TEC: variants seen among roughly 807,000 people sequenced by gnomAD.
TEC encodes the protein tyrosine-protein kinase Tec.
Under a neutral mutation model 93.0 loss-of-function variants are expected in TEC, and 72 were observed. The ratio of observed to expected loss-of-function variants is 0.77; its 90% confidence interval spans 0.64 to 0.94. The LOEUF is 0.94. TEC is among the 40% of genes least tolerant of loss of function. The probability of loss-of-function intolerance (pLI) is 0.00; values close to 1 mark genes in which losing one functional copy is unlikely to be tolerated. For synonymous variants in TEC, 249 were observed against 247.7 expected, an observed-to-expected ratio of 1.01 and a Z score of -0.05; for missense variants, 630 against 757.9, an observed-to-expected ratio of 0.83 and a Z score of 1.98.
intron 2 of TEC, among the ~76,000 whole-genome samples, chr4:48,178,568 C>A (rs1474086948): frequency 6.6e-6 from 1 of 152,104 alleles, no homozygotes; most frequent in Non-Finnish European, 1.5e-5. Context: ...TGAAAGGGTA[C>A]ATTTTGGGTA....
At chr4:48,175,495 T>C in intron 3 of TEC, among the ~76,000 whole-genome samples, 1 of 152,164 alleles carries the variant, frequency 6.6e-6, no homozygotes, top group East Asian at 1.9e-4. Context: ...CAACTCCACA[T>C]TCCTGAGTTC....
intron 2 of TEC, among the ~76,000 whole-genome samples, chr4:48,218,443 G>A (rs1254234153): frequency 6.6e-6 from 1 of 152,168 alleles, no homozygotes; most frequent in Admixed American, 6.6e-5. Context: ...CAGAGTCATA[G>A]CACTTTTTAC....
chr4:48,158,368 C>T (rs900802357), intron 8 of TEC, among the ~76,000 whole-genome samples: 1 of 152,320 alleles, frequency 6.6e-6, no homozygotes, highest in East Asian at 1.9e-4. Flanking sequence ...CATCTCATTA[C>T]ATGGATCCCG....
chr4:48,172,725 A>G (rs990392412), intron 3 of TEC, among the ~76,000 whole-genome samples: 2 of 152,236 alleles, frequency 1.3e-5, no homozygotes, highest in African/African-American at 4.8e-5. Flanking sequence ...TCTAAGACAA[A>G]TATAGAAATA....
chr4:48,230,720 C>A (rs1164232069), intron 1 of TEC, among the ~76,000 whole-genome samples: 1 of 152,202 alleles, frequency 6.6e-6, no homozygotes, highest in East Asian at 1.9e-4. Flanking sequence ...CTGGCTGCAG[C>A]CTACCAGTCC....
chr4:48,264,616 C>T (rs567795981), intron 1 of TEC, among the ~76,000 whole-genome samples: 46 of 150,632 alleles, frequency 3.1e-4, no homozygotes, highest in Admixed American at 1.0e-3. Flanking sequence ...ATTCCCCAGT[C>T]GACAAGCTCA....
At position 48,139,009 on chromosome 4, in the gene TEC, C is replaced by A. The variant is rs1012041959; in HGVS notation, c.1549G>T (p.Asp517Tyr). 7.4e-6 allele frequency: 12 copies of A among 1,613,588 alleles called. No homozygotes were observed. Among genetic ancestry groups the A allele is most frequent in the Non-Finnish European group, 9.3e-6 (11 of 1,179,498 alleles). The change falls in exon 16 of 18, where the codon GAT becomes TAT. Residue 517 changes from aspartate (D) to tyrosine (Y), a missense_variant. Transcript: ENST00000381501. ...DFGMARYVLD[D>Y]QYTSSSGAKF... Reference sequence around the variant, plus strand: ...GCACCAGAAGAACTTGTGTACTGATCATCCAGAACATACCTAGAGTAAGAC... The same window carrying A: ...GCACCAGAAGAACTTGTGTACTGATAATCCAGAACATACCTAGAGTAAGAC...
Position 48,145,543 on chromosome 4 carries a change from A to AT in TEC, c.1117dup (p.Met373AsnfsTer43). ...AAACAGTCCACTTCCCAATTCCCTC[A>AT]TAAAGGTCAGTTCTGAAGGGTTAAT... On this transcript the variant is annotated frameshift_variant, in exon 13 of 18. Transcript: ENST00000381501. LOFTEE classifies it high-confidence loss of function. 6.2e-7 allele frequency: 1 copy of AT among 1,614,090 alleles called. No homozygotes were observed. Among genetic ancestry groups the AT allele is most frequent in the Non-Finnish European group, 8.5e-7 (1 of 1,179,972 alleles).
chr4:48,149,957 G>T (rs1051033062), intron 10 of TEC, among the ~76,000 whole-genome samples: 3 of 152,218 alleles, frequency 2.0e-5, no homozygotes, highest in Non-Finnish European at 4.4e-5. Context: ...ACAGTTGGAA[G>T]TCTTAAAATA....
At chr4:48,200,507 G>A (rs189396621) in intron 2 of TEC, among the ~76,000 whole-genome samples, 3 of 152,324 alleles carry the variant, frequency 2.0e-5, no homozygotes, top group Admixed American at 2.0e-4. Flanking sequence ...GGAAAGAGGA[G>A]CCCATTAGGA....
At chr4:48,238,413 C>G (rs1042835547) in intron 1 of TEC, among the ~76,000 whole-genome samples, 3 of 152,018 alleles carry the variant, frequency 2.0e-5, no homozygotes, top group African/African-American at 7.2e-5. Flanking sequence ...TGCATAAAAC[C>G]CTTATCTTTC....
chr4:48,168,555 G>A (rs1386272207), intron 6 of TEC, 31 bp downstream of exon 6: 20 of 1,607,428 alleles, frequency 1.2e-5, no homozygotes, highest in Non-Finnish European at 1.6e-5. Context: ...AAAATGTAAA[G>A]ATTAACTATC....
intron 2 of TEC, 139 bp downstream of exon 2, chr4:48,228,338 T>C: frequency 7.4e-6 from 7 of 944,498 alleles, no homozygotes; most frequent in Non-Finnish European, 1.0e-5. Context: ...TACTCTGAAA[T>C]TCATCTTTCA....
intron 1 of TEC, among the ~76,000 whole-genome samples, chr4:48,241,089 T>G (rs1453940505): frequency 6.6e-6 from 1 of 152,204 alleles, no homozygotes; most frequent in Non-Finnish European, 1.5e-5. Flanking sequence ...GTTTGGAAAG[T>G]GTCTAATGAC....
chr4:48,201,435 T>G, intron 2 of TEC, among the ~76,000 whole-genome samples: 1 of 150,934 alleles, frequency 6.6e-6, no homozygotes. Flanking sequence ...AAGCACAGAG[T>G]GAGAAAAGAG....
At chr4:48,228,995 C>A (rs753464577) in intron 1 of TEC, among the ~76,000 whole-genome samples, 22 of 152,242 alleles carry the variant, frequency 1.4e-4, no homozygotes, top group Non-Finnish European at 2.6e-4. Context: ...TATGGAAAAG[C>A]ACATTTCGTC....
At position 48,154,779 on chromosome 4, in the gene TEC, T is replaced by C. The variant is rs1720326334; in HGVS notation, c.792+1901A>G. ...AAAAATCAAATGAATAAAATGGAAA[T>C]TTATGGGGTTAAAACAAGGGTCTTA... On this transcript the variant is annotated intron_variant, in intron 9 of 17. Coordinates refer to ENST00000381501, the MANE Select transcript of TEC (RefSeq NM_003215.3). Among the ~76,000 whole-genome samples the C allele has an allele frequency of 2.6e-5, 4 of 152,018 alleles. No homozygotes were observed. In the South Asian group the frequency reaches 8.3e-4, roughly 32 times the overall value.
rs2109685949 is a variant in TEC, at chr4:48,269,783, G to C, written c.-77C>G. 1 of 152,238 alleles carries C rather than the reference G, an allele frequency of 6.6e-6. No individual in the cohort carries two copies. The highest frequency in any genetic ancestry group is 6.5e-5 in the Admixed American group (1 of 15,296). The allele number at this position is 152,238 out of a possible 1,614,324, so 9.4% of individuals were successfully genotyped here. The stretch of plus-strand genomic sequence containing the variant: ...GAAGCGCGGCTGCTGGGCGGACCTG[G>C]GGAGACTGCGAGGTGCAGTCTGCGC... On this transcript the variant is annotated 5_prime_UTR_variant, in exon 1 of 18. Transcript: ENST00000381501.
At chr4:48,179,370 ATATATATTTTTTTTT>A (rs1246634667) in intron 2 of TEC, among the ~76,000 whole-genome samples, 1 of 33,728 alleles carries the variant, frequency 3.0e-5, no homozygotes, top group Non-Finnish European at 5.5e-5. Context: ...ATATATATAT[ATATATATTTTTTTTT>A]TTTTTTTTTT....
Sources: gnomAD v4.1 joint callset for allele counts (sites outside exome capture counted in the v4.1 genomes callset) on GRCh38, gnomAD v4.1.1 for gene constraint, MANE v1.5 for transcripts, NCBI Gene and HGNC (gene_info 2026-07-23, HGNC 2026-07-21) for gene names.